PDSS1: variants seen among roughly 807,000 people sequenced by gnomAD.
PDSS1 encodes decaprenyl diphosphate synthase subunit 1.
PDSS1 carries 43 observed loss-of-function variants against 57.5 expected under a neutral mutation model. The observed-to-expected ratio is 0.75, with a 90% CI of 0.59 to 0.96. The LOEUF is 0.96. Ranked by LOEUF, PDSS1 falls within the 50% of genes least tolerant of loss-of-function variation. PDSS1 has a pLI of 0.00. For synonymous variants in PDSS1, 175 were observed against 191.3 expected, an observed-to-expected ratio of 0.91 and a Z score of 0.70; for missense variants, 438 against 527.8, an observed-to-expected ratio of 0.83 and a Z score of 1.67.
chr10:26,697,827 A>G lies in PDSS1; in HGVS notation c.116A>G (p.Glu39Gly). Residue 39 changes from glutamate to glycine, a missense_variant, in exon 1 of 12, where the codon GAA becomes GGA. Around this residue, in one of 2 missense-constraint regions of PDSS1, gnomAD observed 154 missense variants for 137.0 expected, o/e 1.12. Transcript: ENST00000376215. ...AGPLGPSAAAEVRAQVHRRKG... is the reference protein window; with the variant it reads ...AGPLGPSAAAGVRAQVHRRKG... ...CCGTTGGGGCCGAGCGCCGCTGCCGAAGTCCGCGCGCAGGTGAGGTTGGGA... is the reference window on the plus strand; with the variant it reads ...CCGTTGGGGCCGAGCGCCGCTGCCGGAGTCCGCGCGCAGGTGAGGTTGGGA... 1 of 1,339,080 alleles carries G rather than the reference A, an allele frequency of 7.5e-7. No homozygotes were observed. The highest frequency in any genetic ancestry group is 9.6e-7 in the Non-Finnish European group (1 of 1,039,076). 82.9% of individuals were successfully genotyped at this position (1,339,080 alleles called of 1,614,324 possible). A position where few individuals can be genotyped will look rare whatever the true frequency, so the allele number is the denominator to read the frequency against.
At chr10:26,729,031 C>T (rs769181289) in intron 8 of PDSS1, among the ~76,000 whole-genome samples, 2 of 152,052 alleles carry the variant, frequency 1.3e-5, no homozygotes, top group South Asian at 4.1e-4. Flanking sequence ...TCGCCCACCT[C>T]GGCCTCCCAA....
chr10:26,722,091 T>C (rs1404442632), intron 6 of PDSS1, among the ~76,000 whole-genome samples: 2 of 152,280 alleles, frequency 1.3e-5, no homozygotes, highest in East Asian at 3.9e-4. Flanking sequence ...TGCTGGACCT[T>C]TGGTCTCTAG....
At chr10:26,733,093 A>C (rs74761617) in intron 8 of PDSS1, among the ~76,000 whole-genome samples, 1 of 152,216 alleles carries the variant, frequency 6.6e-6, no homozygotes, top group African/African-American at 2.4e-5. Context: ...CTCCAAAAAA[A>C]GAAATAGATT....
chr10:26,720,373 G>GT lies in PDSS1; in HGVS notation c.609+21dup, dbSNP rs777578120. 2 of 1,581,402 alleles carry GT rather than the reference G, an allele frequency of 1.3e-6. No individual in the cohort carries two copies. Among genetic ancestry groups the GT allele is most frequent in the Non-Finnish European group, 1.7e-6 (2 of 1,150,166 alleles). On this transcript the variant is annotated intron_variant, in intron 6 of 11. Transcript: ENST00000376215. Reference sequence around the variant, plus strand: ...GGTGAAAAGAAGGTATGGTTTTTTGGTTTTTTTAAAATCTCTCTTACTGAA... The same window carrying GT: ...GGTGAAAAGAAGGTATGGTTTTTTGGTTTTTTTTAAAATCTCTCTTACTGAA...
intron 8 of PDSS1, among the ~76,000 whole-genome samples, chr10:26,727,707 C>T (rs1323845632): frequency 1.3e-5 from 2 of 151,932 alleles, no homozygotes; most frequent in African/African-American, 4.8e-5. Flanking sequence ...CTATAGGCCT[C>T]ATTCAGATCT....
intron 11 of PDSS1, among the ~76,000 whole-genome samples, chr10:26,745,038 C>T (rs1025023566): frequency 1.3e-5 from 2 of 151,966 alleles, no homozygotes; most frequent in Non-Finnish European, 2.9e-5. Context: ...GTAGTGCACG[C>T]CTATAATCCT....
chr10:26,721,446 A>ACACACACACACG (rs1835782591), intron 6 of PDSS1, among the ~76,000 whole-genome samples: 1 of 151,864 alleles, frequency 6.6e-6, no homozygotes, highest in Non-Finnish European at 1.5e-5. Context: ...ACACACACAC[A>ACACACACACACG]CACATACATA....
chr10:26,728,110 C>G (rs966493168), intron 8 of PDSS1, among the ~76,000 whole-genome samples: 1 of 152,128 alleles, frequency 6.6e-6, no homozygotes, highest in African/African-American at 2.4e-5. Context: ...AATCCCAGCA[C>G]TTTGGAAGGC....
intron 10 of PDSS1, among the ~76,000 whole-genome samples, chr10:26,740,128 C>T (rs902162411): frequency 2.2e-5 from 3 of 138,716 alleles, no homozygotes; most frequent in Non-Finnish European, 3.0e-5. Context: ...GATGACAGAG[C>T]GAAACTCCAT....
At position 26,705,320 on chromosome 10, in the gene PDSS1, A is replaced by G; in HGVS notation, c.262A>G (p.Ser88Gly). 6.2e-7 allele frequency: 1 copy of G among 1,612,822 alleles called. No homozygotes were observed. Among genetic ancestry groups the G allele is most frequent in the Non-Finnish European group, 8.5e-7 (1 of 1,178,970 alleles). Residue 88 changes from serine (S) to glycine (G), a missense_variant, in exon 4 of 12, where the codon AGT becomes GGT. By Grantham distance (56) the Ser-to-Gly change is moderately conservative. Transcript: ENST00000376215. ...HHTTPDSKTH[S>G]GEKYTDPFKL... ...CACAACCCCAGACAGTAAAACACAC[A>G]GTGGTGAAAAATACACCGATCCTTT...
At chr10:26,709,091 G>A (rs1168210643) in intron 4 of PDSS1, among the ~76,000 whole-genome samples, 1 of 152,102 alleles carries the variant, frequency 6.6e-6, no homozygotes, top group African/African-American at 2.4e-5. Flanking sequence ...CTGTCAGCGG[G>A]GCAGGTGGCA....
chr10:26,728,008 G>A (rs575699811), intron 8 of PDSS1, among the ~76,000 whole-genome samples: 39 of 152,284 alleles, frequency 2.6e-4, no homozygotes, highest in Middle Eastern at 3.4e-3. Flanking sequence ...ACCAGGAGGC[G>A]CGTGCTGTCT....
intron 8 of PDSS1, among the ~76,000 whole-genome samples, chr10:26,727,669 CTT>C (rs56938903): frequency 2.6e-3 from 379 of 147,036 alleles, no homozygotes; most frequent in African/African-American, 8.9e-3. Flanking sequence ...CACCTGGCCT[CTT>C]TTTTTTTTAC....
At chr10:26,730,367 T>G (rs914572127) in intron 8 of PDSS1, among the ~76,000 whole-genome samples, 6 of 152,010 alleles carry the variant, frequency 3.9e-5, no homozygotes, top group Non-Finnish European at 7.4e-5. Flanking sequence ...CCTAGCACTT[T>G]GGGAGGCCAA....
chr10:26,731,791 C>G (rs1251281327), intron 8 of PDSS1, among the ~76,000 whole-genome samples: 1 of 152,150 alleles, frequency 6.6e-6, no homozygotes, highest in Non-Finnish European at 1.5e-5. Context: ...GCTTAAGGGC[C>G]ATTTATTTAT....
chr10:26,697,715 G>A lies in PDSS1; in HGVS notation c.4G>A (p.Ala2Thr). The A allele has an allele frequency of 1.5e-6, 2 of 1,297,730 alleles. No homozygotes were observed. Among genetic ancestry groups the A allele is most frequent in the South Asian group, 4.7e-5 (2 of 42,722 alleles). The allele number at this position is 1,297,730 out of a possible 1,614,324, so 80.4% of individuals were successfully genotyped here. A position where few individuals can be genotyped will look rare whatever the true frequency, so the allele number is the denominator to read the frequency against. Residue 2 changes from alanine to threonine, a missense_variant, in exon 1 of 12, where the codon GCC becomes ACC. This residue lies in a region of PDSS1 where 154 missense variants were observed against 137.0 expected (regional missense o/e 1.12). Transcript: ENST00000376215. M[A>T]SRWWRWRRGC... ...CCGCGACTTTCAGACTCCGACCATG[G>A]CCTCGCGCTGGTGGCGGTGGCGGCG...
intron 5 of PDSS1, among the ~76,000 whole-genome samples, chr10:26,719,565 C>T (rs1022487348): frequency 4.6e-5 from 7 of 152,108 alleles, no homozygotes; most frequent in Non-Finnish European, 7.4e-5. Flanking sequence ...GTCAGGAGTT[C>T]GAGACCAACC....
At chr10:26,704,436 G>A (rs547460385) in intron 2 of PDSS1, among the ~76,000 whole-genome samples, 1 of 152,192 alleles carries the variant, frequency 6.6e-6, no homozygotes, top group South Asian at 2.1e-4. Context: ...CTTTCTTTGG[G>A]GGAAGGGATG....
chr10:26,701,320 C>A (rs1024399824), intron 1 of PDSS1, among the ~76,000 whole-genome samples: 7 of 152,220 alleles, frequency 4.6e-5, no homozygotes, highest in African/African-American at 1.7e-4. Flanking sequence ...ATGTTAATAG[C>A]CAAGAGAATG....
Sources: allele counts gnomAD v4.1 joint callset (sites outside exome capture counted in the v4.1 genomes callset), GRCh38; gene constraint gnomAD v4.1.1; regional missense constraint gnomAD v4.1.1; transcripts MANE v1.5; gene names NCBI Gene and HGNC (gene_info 2026-07-23, HGNC 2026-07-21).